Variants in RAB38 observed in about 807,000 individuals in gnomAD.
The protein encoded by RAB38 is RAB38, member RAS oncogene family, also known as ras-related protein Rab-38.
A neutral mutation model predicts 18.4 loss-of-function variants in RAB38; 15 were observed. That is an observed-to-expected ratio of 0.82 (90% CI 0.55 to 1.26). The LOEUF (loss-of-function observed/expected upper bound fraction) is 1.26. Among genes scored for constraint, RAB38 ranks in the 50% most tolerant of loss-of-function variants. The probability of loss-of-function intolerance (pLI) is 0.00; values close to 1 mark genes in which losing one functional copy is unlikely to be tolerated. For synonymous variants in RAB38, 101 were observed against 104.4 expected (o/e 0.97, Z 0.20); for missense variants, 294 against 267.4 (o/e 1.10, Z -0.69).
At chr11:88,133,952 G>C (rs1434181291) in intron 2 of RAB38, among the ~76,000 whole-genome samples, 2 of 152,168 alleles carry the variant, frequency 1.3e-5, no homozygotes, top group African/African-American at 2.4e-5. Flanking sequence ...GGAATGCCAA[G>C]AGATTAGTCC....
the RAB38 span, among the ~76,000 whole-genome samples, chr11:87,809,690 G>GAA: frequency 3.2e-3 from 482 of 151,498 alleles, 2 homozygotes; most frequent in African/African-American, 8.7e-3. Flanking sequence ...TGAAAGCTCT[G>GAA]AAAAAAAAAT....
intron 2 of RAB38, among the ~76,000 whole-genome samples, chr11:88,124,032 TAAATG>T (rs1265294182): frequency 6.6e-6 from 1 of 152,210 alleles, no homozygotes; most frequent in East Asian, 1.9e-4. Context: ...CCAGATAGCA[TAAATG>T]AAACTATTTC....
chr11:87,858,876 G>C, the RAB38 span, among the ~76,000 whole-genome samples: 2 of 150,782 alleles, frequency 1.3e-5, no homozygotes, highest in Admixed American at 1.3e-4. Flanking sequence ...AATGGTGACA[G>C]TATACCATAA....
chr11:87,858,870 G>A, the RAB38 span, among the ~76,000 whole-genome samples: 1 of 151,142 alleles, frequency 6.6e-6, no homozygotes, highest in African/African-American at 2.4e-5. Flanking sequence ...TAAACCAATG[G>A]TGACAGTATA....
At chr11:87,855,389 C>A in the RAB38 span, among the ~76,000 whole-genome samples, 1 of 152,124 alleles carries the variant, frequency 6.6e-6, no homozygotes, top group Non-Finnish European at 1.5e-5. Context: ...AACCAGACCC[C>A]TGTGGACCTC....
chr11:88,042,412 T>C, the RAB38 span, among the ~76,000 whole-genome samples: 1 of 152,200 alleles, frequency 6.6e-6, no homozygotes, highest in East Asian at 1.9e-4. Flanking sequence ...CTGAGGGCTC[T>C]TTTCCTGTAC....
At chr11:88,043,032 A>T in the RAB38 span, among the ~76,000 whole-genome samples, 1 of 84,182 alleles carries the variant, frequency 1.2e-5, no homozygotes, top group African/African-American at 6.1e-5. Flanking sequence ...AGAGCAATAA[A>T]CTAATTTCCT....
At chr11:88,038,331 G>A in the RAB38 span, among the ~76,000 whole-genome samples, 1 of 152,202 alleles carries the variant, frequency 6.6e-6, no homozygotes, top group Non-Finnish European at 1.5e-5. Context: ...GAGCAATGGA[G>A]CAGTTGGTTC....
the RAB38 span, among the ~76,000 whole-genome samples, chr11:88,043,711 A>G: frequency 6.7e-6 from 1 of 148,620 alleles, no homozygotes; most frequent in Non-Finnish European, 1.5e-5. Context: ...GACTCTTTTC[A>G]GACTCAGCCC....
chr11:88,073,192 C>T, the RAB38 span, among the ~76,000 whole-genome samples: 1 of 152,026 alleles, frequency 6.6e-6, no homozygotes, highest in Non-Finnish European at 1.5e-5. Context: ...GAGATATATC[C>T]CTGAACATGG....
the RAB38 span, among the ~76,000 whole-genome samples, chr11:88,033,281 G>A: frequency 9.2e-5 from 14 of 151,866 alleles, no homozygotes; most frequent in Non-Finnish European, 1.8e-4. Context: ...AATGCTAGAT[G>A]ACGAGTTAGT....
the RAB38 span, among the ~76,000 whole-genome samples, chr11:87,887,737 A>G: frequency 6.6e-6 from 1 of 151,996 alleles, no homozygotes; most frequent in Non-Finnish European, 1.5e-5. Flanking sequence ...ATCTAGCTAA[A>G]GGAAAAAGGC....
chr11:87,918,158 C>T, the RAB38 span, among the ~76,000 whole-genome samples: 2 of 151,932 alleles, frequency 1.3e-5, no homozygotes, highest in South Asian at 2.1e-4. Context: ...TCTTTTTATG[C>T]TTGGCTTACC....
the RAB38 span, among the ~76,000 whole-genome samples, chr11:88,093,487 GA>G: frequency 0.66 from 100,264 of 150,880 alleles, 33,400 homozygotes; most frequent in African/African-American, 0.71. Context: ...TGTATAGTTT[GA>G]AAAAAAAAAT....
At chr11:87,976,748 A>G in the RAB38 span, among the ~76,000 whole-genome samples, 1 of 118,748 alleles carries the variant, frequency 8.4e-6, no homozygotes, top group Non-Finnish European at 1.6e-5. Context: ...ATATTTATAT[A>G]TTTATATATA....
chr11:87,939,806 C>T, the RAB38 span, among the ~76,000 whole-genome samples: 1 of 152,074 alleles, frequency 6.6e-6, no homozygotes, highest in African/African-American at 2.4e-5. Flanking sequence ...GTGGGAGGAT[C>T]ACTTGAGCCT....
chr11:87,862,176 A>G, the RAB38 span, among the ~76,000 whole-genome samples: 3 of 151,868 alleles, frequency 2.0e-5, no homozygotes, highest in Admixed American at 1.3e-4. Flanking sequence ...TTCAGAAAGG[A>G]ATATCAATTG....
chr11:88,027,137 T>G, the RAB38 span, among the ~76,000 whole-genome samples: 1 of 152,204 alleles, frequency 6.6e-6, no homozygotes, highest in East Asian at 1.9e-4. Context: ...TGAGAAAGTT[T>G]CCTTTCTATT....
chr11:87,968,786 T>C, the RAB38 span, among the ~76,000 whole-genome samples: 2 of 152,130 alleles, frequency 1.3e-5, no homozygotes, highest in Non-Finnish European at 2.9e-5. Flanking sequence ...TTGAGCAGAA[T>C]TGCTTAAGAA....
Sources: allele counts gnomAD v4.1 joint callset (sites outside exome capture counted in the v4.1 genomes callset), GRCh38; gene constraint gnomAD v4.1.1; transcripts MANE v1.5; gene names NCBI Gene and HGNC (gene_info 2026-07-23, HGNC 2026-07-21).